Variants in MAP3K14 observed in about 807,000 individuals in gnomAD.
MAP3K14 encodes mitogen-activated protein kinase kinase kinase 14, also known as NF-kappa-beta-inducing kinase.
A neutral mutation model predicts 99.2 loss-of-function variants in MAP3K14; 16 were observed. That is an observed-to-expected ratio of 0.16 (90% CI 0.11 to 0.24). MAP3K14 has a LOEUF of 0.24. Ranked by LOEUF, MAP3K14 falls within the 10% of genes least tolerant of loss-of-function variation. The pLI, the probability that MAP3K14 is intolerant of heterozygous loss-of-function variation, is 1.00. For synonymous variants in MAP3K14, 462 were observed against 492.4 expected, an observed-to-expected ratio of 0.94 and a Z score of 0.82; for missense variants, 784 against 1,208.7, an observed-to-expected ratio of 0.65 and a Z score of 5.21.
Position 45,267,354 on chromosome 17 carries a change from G to T in MAP3K14, c.2326+52C>A. On this transcript the variant is annotated intron_variant, in intron 12 of 15. Transcript: ENST00000344686. This position sits in a 1 kb window ranked among gnomAD's most constrained non-coding sequence, Gnocchi z 5.1. ...GTAAAGAGAAACACCGGCCTCCGCG[G>T]GTGGCCCAGGGCCAGTGCTCAGGGC... 2.0e-6 allele frequency: 3 copies of T among 1,518,752 alleles called. No homozygotes were observed. The highest frequency in any genetic ancestry group is 1.2e-5 in the South Asian group (1 of 83,170). 94.1% of individuals were successfully genotyped at this position (1,518,752 alleles called of 1,614,324 possible).
chr17:45,285,359 C>A (rs1175988595), intron 5 of MAP3K14, among the ~76,000 whole-genome samples: 1 of 152,056 alleles, frequency 6.6e-6, no homozygotes, highest in Non-Finnish European at 1.5e-5. Context: ...GGCATGGTGG[C>A]TCACGCCTGT....
chr17:45,272,704 C>A lies in MAP3K14; in HGVS notation c.1657+799G>T, dbSNP rs1480444404. Reference sequence around the variant, plus strand: ...CCTGTAATTCCAGCACTTTGGGAGGCTGAGTGGGGCGGATCACCTAAGGTC... The same window carrying A: ...CCTGTAATTCCAGCACTTTGGGAGGATGAGTGGGGCGGATCACCTAAGGTC... On this transcript the variant is annotated intron_variant, in intron 9 of 15. Coordinates refer to ENST00000344686, the MANE Select transcript of MAP3K14 (RefSeq NM_003954.5). This position sits in a 1 kb window ranked among gnomAD's most constrained non-coding sequence, Gnocchi z 4.1. Among the ~76,000 whole-genome samples, 2 of 152,166 alleles carry A rather than the reference C, an allele frequency of 1.3e-5. No homozygotes were observed. Among genetic ancestry groups the A allele is most frequent in the African/African-American group, 4.8e-5 (2 of 41,416 alleles).
At chr17:45,266,435 C>A (rs1273660277) in intron 14 of MAP3K14, 102 bp downstream of exon 14, 52 of 1,439,512 alleles carry the variant, frequency 3.6e-5, no homozygotes, top group Non-Finnish European at 4.8e-5. Context: ...TCCTCCCTCC[C>A]ACTGTGCCAG....
At chr17:45,311,425 C>T (rs967018308) in intron 1 of MAP3K14, among the ~76,000 whole-genome samples, 1 of 152,184 alleles carries the variant, frequency 6.6e-6, no homozygotes, top group African/African-American at 2.4e-5. Context: ...ATAGATGTCC[C>T]TGACCATAAT....
intron 2 of MAP3K14, among the ~76,000 whole-genome samples, chr17:45,289,852 C>G (rs1350511159): frequency 6.6e-6 from 1 of 152,208 alleles, no homozygotes; most frequent in African/African-American, 2.4e-5. Flanking sequence ...CCAGGTTCCA[C>G]CCCAAGAAGC....
intron 8 of MAP3K14, 38 bp from the exon 9 acceptor site, chr17:45,273,645 G>T: frequency 6.6e-7 from 1 of 1,508,216 alleles, no homozygotes; most frequent in Non-Finnish European, 9.1e-7. Flanking sequence ...GAACAGGTGA[G>T]TCATGCCGGG....
At chr17:45,305,834 C>G (rs1469348906) in intron 1 of MAP3K14, among the ~76,000 whole-genome samples, 1 of 152,188 alleles carries the variant, frequency 6.6e-6, no homozygotes, top group Non-Finnish European at 1.5e-5. Context: ...ATCCTGAAAG[C>G]AGAGGGACAG....
intron 11 of MAP3K14, among the ~76,000 whole-genome samples, chr17:45,269,359 TA>T (rs1415314845): frequency 3.3e-5 from 5 of 152,168 alleles, no homozygotes; most frequent in African/African-American, 1.2e-4. Context: ...GAGCCCCCTC[TA>T]TACATCATAA....
intron 1 of MAP3K14, among the ~76,000 whole-genome samples, chr17:45,309,606 C>G (rs540611444): frequency 4.6e-5 from 7 of 152,266 alleles, no homozygotes; most frequent in African/African-American, 1.4e-4. Flanking sequence ...GCTCTGAGAG[C>G]CTGGCTGGAC....
rs1011825359 is a variant in MAP3K14, at chr17:45,264,094, A to G, written c.*542T>C. Reference sequence around the variant, plus strand: ...CAGGCATTCTTTTCCCCTACACCCAAAAGGGGTGAGCTGGCCAGGTGAGGC... The same window carrying G: ...CAGGCATTCTTTTCCCCTACACCCAGAAGGGGTGAGCTGGCCAGGTGAGGC... On this transcript the variant is annotated 3_prime_UTR_variant, in exon 16 of 16. Transcript: ENST00000344686. 3 of 152,476 alleles carry G rather than the reference A, an allele frequency of 2.0e-5. No individual in the cohort carries two copies. Among genetic ancestry groups the G allele is most frequent in the Non-Finnish European group, 4.4e-5 (3 of 68,256 alleles). 9.4% of individuals were successfully genotyped at this position (152,476 alleles called of 1,614,324 possible).
At chr17:45,306,347 G>T (rs1024840028) in intron 1 of MAP3K14, among the ~76,000 whole-genome samples, 1 of 152,100 alleles carries the variant, frequency 6.6e-6, no homozygotes, top group Non-Finnish European at 1.5e-5. Flanking sequence ...AATTGGGACC[G>T]AGATGCAGAA....
chr17:45,286,838 C>T lies in MAP3K14; in HGVS notation c.745G>A (p.Gly249Ser). The T allele has an allele frequency of 6.2e-7, 1 of 1,613,794 alleles. No homozygotes were observed. Among genetic ancestry groups the T allele is most frequent in the South Asian group, 1.1e-5 (1 of 91,068 alleles). Reference protein sequence around the residue: ...VWKLHHPQDGGPLPLPTHPFP... With the variant: ...VWKLHHPQDGSPLPLPTHPFP... ...GGGTGCGTGGGCAGGGGCAGGGGGC[C>T]TCCGTCCTGGGGGTGGTGCAGTTTC... is the stretch of plus-strand genomic sequence containing the variant. The change falls in exon 5 of 16, where the codon GGC becomes AGC. Residue 249 changes from glycine (G) to serine (S), a missense_variant. Coordinates refer to ENST00000344686, the MANE Select transcript of MAP3K14 (RefSeq NM_003954.5). The surrounding 1 kb of genome is among the most constrained non-coding windows in gnomAD (Gnocchi z 4.1).
intron 1 of MAP3K14, among the ~76,000 whole-genome samples, chr17:45,303,057 A>G (rs1349944092): frequency 6.6e-6 from 1 of 152,254 alleles, no homozygotes; most frequent in Non-Finnish European, 1.5e-5. Flanking sequence ...CTAGTGCTGG[A>G]TGGACCACAT....
At position 45,287,071 on chromosome 17, in the gene MAP3K14, C is replaced by T. The variant is rs1457390466; in HGVS notation, c.538-26G>A. 5 of 1,606,018 alleles carry T rather than the reference C, an allele frequency of 3.1e-6. No homozygotes were observed. The South Asian group carries it at 3.3e-5, about 11-fold the overall frequency. On this transcript the variant is annotated intron_variant, in intron 4 of 15. Transcript: ENST00000344686. ...CTGCGGGGGGAAACACAGCTATCAG[C>T]ACAGAGGGCCAGGGCCCAGGGACAG...
chr17:45,287,099 T>C, intron 4 of MAP3K14, 54 bp from the exon 5 acceptor site: 1 of 1,602,044 alleles, frequency 6.2e-7, no homozygotes, highest in Non-Finnish European at 8.5e-7. Flanking sequence ...AGGGACAGGC[T>C]CCAATTTCAA....
intron 1 of MAP3K14, among the ~76,000 whole-genome samples, chr17:45,298,493 TAGAA>T (rs1415672124): frequency 6.6e-6 from 1 of 152,040 alleles, no homozygotes; most frequent in Admixed American, 6.6e-5. Flanking sequence ...AATAAAGACA[TAGAA>T]AGAGATGTGC....
chr17:45,307,085 C>T (rs2044436104), intron 1 of MAP3K14, among the ~76,000 whole-genome samples: 1 of 152,102 alleles, frequency 6.6e-6, no homozygotes, highest in Non-Finnish European at 1.5e-5. Flanking sequence ...TGGCAAAACG[C>T]TGCCTCCACT....
chr17:45,284,528 G>A (rs1310332477), intron 6 of MAP3K14, among the ~76,000 whole-genome samples: 1 of 152,188 alleles, frequency 6.6e-6, no homozygotes, highest in Non-Finnish European at 1.5e-5. Flanking sequence ...TCCACGTTGG[G>A]ACTTGCCCCT....
chr17:45,285,308 G>T (rs1180584363), intron 5 of MAP3K14, among the ~76,000 whole-genome samples: 1 of 151,988 alleles, frequency 6.6e-6, no homozygotes, highest in South Asian at 2.1e-4. Flanking sequence ...GTGAAGAGGG[G>T]CGGGGGTCAA....
Sources: gnomAD v4.1 joint callset for allele counts (sites outside exome capture counted in the v4.1 genomes callset) on GRCh38, gnomAD v4.1.1 for gene constraint, Gnocchi (gnomAD v3.1) non-coding constraint, MANE v1.5 for transcripts, NCBI Gene and HGNC (gene_info 2026-07-23, HGNC 2026-07-21) for gene names.